Variants in TFAP2D observed in about 807,000 individuals in gnomAD.
The protein encoded by TFAP2D is transcription factor AP-2-delta.
In TFAP2D, 9 loss-of-function variants were observed where a neutral mutation model predicts 43.6. That is an observed-to-expected ratio of 0.21 (90% confidence interval 0.12 to 0.36). The LOEUF (loss-of-function observed/expected upper bound fraction) is 0.36. TFAP2D is among the 10% of genes least tolerant of loss of function. The pLI is 1.00. For synonymous variants in TFAP2D, 256 were observed against 224.9 expected (o/e 1.14, Z -1.24); for missense variants, 513 against 561.4 (o/e 0.91, Z 0.87).
chr6:50,742,267 A>G (rs944752483), intron 5 of TFAP2D, among the ~76,000 whole-genome samples: 28 of 151,912 alleles, frequency 1.8e-4, no homozygotes, highest in African/African-American at 6.5e-4. Context: ...TACATCCTGT[A>G]ACAATGTTAT....
intron 7 of TFAP2D, among the ~76,000 whole-genome samples, chr6:50,764,277 A>AT (rs1182965036): frequency 6.6e-6 from 1 of 152,128 alleles, no homozygotes; most frequent in African/African-American, 2.4e-5. Flanking sequence ...TTATTATACT[A>AT]TTGCCAGCTT....
rs778117883 is a variant in TFAP2D, at chr6:50,714,033, G to C, written c.-23G>C. 9.3e-6 allele frequency: 15 copies of C among 1,609,860 alleles called. No homozygotes were observed. The Admixed American group carries it at 2.5e-4, about 27-fold the overall frequency. ...TTTTTTTGGAGGGGGAAATTGCATC[G>C]TAAGCTTTCGGAGAAACCCAACATG... On this transcript the variant is annotated 5_prime_UTR_variant, in exon 1 of 8. Coordinates refer to ENST00000008391, the MANE Select transcript of TFAP2D (RefSeq NM_172238.4).
In TFAP2D at chr6:50,719,096, G is replaced by T; in HGVS notation, c.544G>T (p.Val182Leu). Reference protein sequence around the residue: ...AAGADDLQGSVEAQCGLVLNG... With the variant: ...AAGADDLQGSLEAQCGLVLNG... ...TTCTGTTTCTTTTATTAAGGGCTCT[G>T]TGGAGGCCCAGTGTGGGCTTGTTCT... The change falls in exon 3 of 8, where the codon GTG becomes TTG. Residue 182 changes from valine to leucine, a missense_variant. Val to Leu is a conservative substitution (Grantham distance 32). Coordinates refer to ENST00000008391, the MANE Select transcript of TFAP2D (RefSeq NM_172238.4). 1 of 1,613,954 alleles carries T rather than the reference G, an allele frequency of 6.2e-7. No individual in the cohort carries two copies. Among genetic ancestry groups the T allele is most frequent in the Non-Finnish European group, 8.5e-7 (1 of 1,179,868 alleles).
intron 5 of TFAP2D, among the ~76,000 whole-genome samples, chr6:50,733,154 A>G (rs1387204460): frequency 6.6e-6 from 1 of 152,106 alleles, no homozygotes; most frequent in Non-Finnish European, 1.5e-5. Context: ...TAAGGCAGAT[A>G]TTTAGACTGG....
At chr6:50,745,380 G>A (rs1292517874) in intron 6 of TFAP2D, 132 bp downstream of exon 6, 7 of 1,302,042 alleles carry the variant, frequency 5.4e-6, no homozygotes, top group Non-Finnish European at 6.3e-6. Context: ...CAAGCAGCTA[G>A]ATATATTAAA....
intron 7 of TFAP2D, among the ~76,000 whole-genome samples, chr6:50,771,109 A>C (rs1348275913): frequency 6.6e-6 from 1 of 152,188 alleles, no homozygotes; most frequent in East Asian, 1.9e-4. Context: ...ACCTATGCTG[A>C]GGTTACCATA....
intron 3 of TFAP2D, among the ~76,000 whole-genome samples, chr6:50,724,829 CG>C (rs1768782926): frequency 6.6e-6 from 1 of 151,744 alleles, no homozygotes; most frequent in Non-Finnish European, 1.5e-5. Context: ...CACCCTGCAA[CG>C]GGGTAGTTGT....
At chr6:50,759,961 T>C (rs940608906) in intron 7 of TFAP2D, among the ~76,000 whole-genome samples, 1 of 152,046 alleles carries the variant, frequency 6.6e-6, no homozygotes, top group African/African-American at 2.4e-5. Flanking sequence ...TTGAGTTTCA[T>C]AGAGCACTAG....
chr6:50,759,486 C>T (rs1382402498), intron 7 of TFAP2D, among the ~76,000 whole-genome samples: 2 of 152,074 alleles, frequency 1.3e-5, no homozygotes, highest in Non-Finnish European at 2.9e-5. Flanking sequence ...TATATCATCT[C>T]ATATCTGCTT....
intron 5 of TFAP2D, among the ~76,000 whole-genome samples, chr6:50,743,355 ATTTTGTTTTGTTTTGTTTTG>A (rs70974545): frequency 3.5e-4 from 53 of 149,472 alleles, no homozygotes; most frequent in Middle Eastern, 3.4e-3. Flanking sequence ...AAAATAGTAT[ATTTTGTTTTGTTTTGTTTTG>A]TTTTGTTTTG....
At chr6:50,766,765 T>A (rs1368338540) in intron 7 of TFAP2D, among the ~76,000 whole-genome samples, 2 of 141,350 alleles carry the variant, frequency 1.4e-5, no homozygotes, top group African/African-American at 5.2e-5. Context: ...GCTTCCCGGG[T>A]TCACGCCATT....
chr6:50,730,059 T>C (rs1323595227), intron 5 of TFAP2D, among the ~76,000 whole-genome samples: 2 of 152,168 alleles, frequency 1.3e-5, no homozygotes, highest in African/African-American at 2.4e-5. Context: ...TTTTTCATCA[T>C]GTGGAATGCT....
chr6:50,750,030 A>G (rs2113885469), intron 6 of TFAP2D, among the ~76,000 whole-genome samples: 1 of 152,072 alleles, frequency 6.6e-6, no homozygotes, highest in Non-Finnish European at 1.5e-5. Flanking sequence ...CATTTAAAAT[A>G]TCATAAGTGA....
chr6:50,751,233 G>T lies in TFAP2D; in HGVS notation c.1048G>T (p.Asp350Tyr). The T allele has an allele frequency of 6.2e-7, 1 of 1,610,208 alleles. No individual in the cohort carries two copies. Among genetic ancestry groups the T allele is most frequent in the East Asian group, 2.2e-5 (1 of 44,756 alleles). ...TAGACAAATCTGTAAAGAATTCCAA[G>T]ACCTCTTGAGCCAAGATAGATCACC... ...ATKQICKEFQ[D>Y]LLSQDRSPLG... The change falls in exon 7 of 8, where the codon GAC becomes TAC. Residue 350 changes from aspartate (D) to tyrosine (Y), a missense_variant. Coordinates refer to ENST00000008391, the MANE Select transcript of TFAP2D (RefSeq NM_172238.4).
chr6:50,734,452 T>C (rs1768935335), intron 5 of TFAP2D, among the ~76,000 whole-genome samples: 1 of 152,124 alleles, frequency 6.6e-6, no homozygotes, highest in South Asian at 2.1e-4. Context: ...AGCTAATTTC[T>C]CACTCATCGC....
chr6:50,753,269 A>G (rs1289912115), intron 7 of TFAP2D, among the ~76,000 whole-genome samples: 2 of 151,970 alleles, frequency 1.3e-5, no homozygotes, highest in Non-Finnish European at 2.9e-5. Flanking sequence ...ATTTCCAATT[A>G]CAGATGCTGA....
intron 5 of TFAP2D, among the ~76,000 whole-genome samples, chr6:50,739,286 T>C (rs2114045783): frequency 6.6e-6 from 1 of 152,280 alleles, no homozygotes; most frequent in East Asian, 1.9e-4. Flanking sequence ...GTGTTCTCAT[T>C]GTTCAATTCC....
At chr6:50,734,226 C>A (rs1176117314) in intron 5 of TFAP2D, among the ~76,000 whole-genome samples, 2 of 151,940 alleles carry the variant, frequency 1.3e-5, no homozygotes, top group Non-Finnish European at 2.9e-5. Context: ...GTGCCACTTG[C>A]AAAATCTATT....
intron 5 of TFAP2D, among the ~76,000 whole-genome samples, chr6:50,736,158 C>T (rs532760218): frequency 3.3e-5 from 5 of 152,104 alleles, no homozygotes; most frequent in Non-Finnish European, 7.4e-5. Context: ...ATTAGTCCCA[C>T]CTTTGGGAGA....
Sources: gnomAD v4.1 joint callset for allele counts (sites outside exome capture counted in the v4.1 genomes callset) on GRCh38, gnomAD v4.1.1 for gene constraint, MANE v1.5 for transcripts, NCBI Gene and HGNC (gene_info 2026-07-23, HGNC 2026-07-21) for gene names.